The following MYRIP variants were observed in gnomAD, a reference collection of about 807,000 sequenced individuals.
MYRIP encodes the protein rab effector MyRIP.
A neutral mutation model predicts 98.0 loss-of-function variants in MYRIP; 49 were observed. The observed-to-expected ratio is 0.50, with a 90% confidence interval of 0.40 to 0.63. MYRIP has a LOEUF of 0.63. MYRIP is among the 30% of genes least tolerant of loss of function. The pLI is 0.00. For synonymous variants in MYRIP, 404 were observed against 409.5 expected, an observed-to-expected ratio of 0.99 and a Z score of 0.16; for missense variants, 1,004 against 1,058.2, an observed-to-expected ratio of 0.95 and a Z score of 0.71.
intron 3 of MYRIP, among the ~76,000 whole-genome samples, chr3:40,149,754 A>G (rs551898603): frequency 1.3e-5 from 2 of 152,202 alleles, no homozygotes; most frequent in Non-Finnish European, 2.9e-5. Flanking sequence ...GTTCTGAAGT[A>G]CATGGTTCTT....
Position 40,259,436 on chromosome 3 carries a change from G to A in MYRIP, c.*1270G>A, listed in dbSNP as rs1308495506. 6.6e-6 allele frequency: 1 copy of A among 152,188 alleles called. No individual in the cohort carries two copies. The highest frequency in any genetic ancestry group is 1.9e-4 in the East Asian group (1 of 5,198). 9.4% of individuals were successfully genotyped at this position (152,188 alleles called of 1,614,324 possible). ...TGTGTTAAGTGCCTGCTCTGAAGGA[G>A]GCAATGTTCTTCTCATTTGAATCCT... On this transcript the variant is annotated 3_prime_UTR_variant, in exon 17 of 17. Transcript: ENST00000302541.
At chr3:40,139,511 T>C (rs928359723) in intron 3 of MYRIP, among the ~76,000 whole-genome samples, 9 of 152,348 alleles carry the variant, frequency 5.9e-5, no homozygotes, top group African/African-American at 1.4e-4. Context: ...AAAATTGCAA[T>C]TTTTATTTAA....
At chr3:39,893,534 T>C (rs1005294430) in intron 1 of MYRIP, among the ~76,000 whole-genome samples, 9 of 152,242 alleles carry the variant, frequency 5.9e-5, no homozygotes, top group African/African-American at 1.7e-4. Flanking sequence ...ATAATAACAT[T>C]TATTTTCATT....
intron 3 of MYRIP, among the ~76,000 whole-genome samples, chr3:40,079,127 A>T (rs1948419114): frequency 6.6e-6 from 1 of 152,198 alleles, no homozygotes; most frequent in Admixed American, 6.5e-5. Flanking sequence ...CCTTGTTGTC[A>T]GTAGAGATGA....
At chr3:39,949,229 A>G (rs571345372) in intron 2 of MYRIP, among the ~76,000 whole-genome samples, 19 of 152,234 alleles carry the variant, frequency 1.2e-4, no homozygotes, top group African/African-American at 4.6e-4. Context: ...TTTCCATGCC[A>G]TCATCTATCT....
intron 2 of MYRIP, among the ~76,000 whole-genome samples, chr3:39,920,723 G>C (rs951828010): frequency 1.3e-5 from 2 of 152,198 alleles, no homozygotes; most frequent in African/African-American, 4.8e-5. Flanking sequence ...AGCTTTTTCA[G>C]TATGAAGTGG....
intron 2 of MYRIP, among the ~76,000 whole-genome samples, chr3:39,927,706 C>G (rs1944447572): frequency 6.6e-6 from 1 of 151,980 alleles, no homozygotes; most frequent in Non-Finnish European, 1.5e-5. Flanking sequence ...TCAGCATCAC[C>G]CTGATACCAA....
intron 7 of MYRIP, among the ~76,000 whole-genome samples, chr3:40,167,815 C>T (rs1251977469): frequency 5.3e-5 from 8 of 152,182 alleles, no homozygotes; most frequent in African/African-American, 9.6e-5. Context: ...TTACCATTAC[C>T]GGTTTAATAT....
intron 3 of MYRIP, among the ~76,000 whole-genome samples, chr3:40,064,621 G>C (rs1948089775): frequency 6.6e-6 from 1 of 152,184 alleles, no homozygotes; most frequent in African/African-American, 2.4e-5. Context: ...GACAGGCAAG[G>C]ACAGTGTCCT....
At chr3:40,005,186 T>C (rs542931142) in intron 2 of MYRIP, among the ~76,000 whole-genome samples, 59 of 152,350 alleles carry the variant, frequency 3.9e-4, no homozygotes, top group Admixed American at 6.5e-4. Context: ...CCACCACTGA[T>C]GGGCACCTAG....
At chr3:39,932,887 T>G (rs1450504390) in intron 2 of MYRIP, among the ~76,000 whole-genome samples, 1 of 152,220 alleles carries the variant, frequency 6.6e-6, no homozygotes, top group Non-Finnish European at 1.5e-5. Flanking sequence ...AAACTTTCCT[T>G]GGAGCATTGG....
intron 2 of MYRIP, among the ~76,000 whole-genome samples, chr3:39,996,099 C>T (rs1309834987): frequency 6.6e-6 from 1 of 152,144 alleles, no homozygotes; most frequent in Non-Finnish European, 1.5e-5. Flanking sequence ...TAAAGACCAT[C>T]GAGGCTAGGA....
At chr3:39,981,160 C>G (rs752737535) in intron 2 of MYRIP, among the ~76,000 whole-genome samples, 2 of 152,172 alleles carry the variant, frequency 1.3e-5, no homozygotes, top group South Asian at 4.1e-4. Flanking sequence ...AACCTCTTGC[C>G]TTTACCAAAC....
intron 1 of MYRIP, among the ~76,000 whole-genome samples, chr3:39,860,832 A>G (rs1043945401): frequency 6.6e-6 from 1 of 152,174 alleles, no homozygotes; most frequent in African/African-American, 2.4e-5. Context: ...TCCCATTGGC[A>G]TGTGTAGGCA....
chr3:40,225,785 G>C (rs1952469209), intron 11 of MYRIP, among the ~76,000 whole-genome samples: 1 of 152,132 alleles, frequency 6.6e-6, no homozygotes, highest in South Asian at 2.1e-4. Context: ...TCCCCAAAGA[G>C]TCTCTCGCGA....
chr3:40,027,235 G>A (rs1470336129), intron 2 of MYRIP, among the ~76,000 whole-genome samples: 1 of 152,044 alleles, frequency 6.6e-6, no homozygotes, highest in East Asian at 1.9e-4. Context: ...GTGCAACAGA[G>A]ATCAGCCCAC....
At chr3:39,967,051 C>T (rs1287097889) in intron 2 of MYRIP, among the ~76,000 whole-genome samples, 1 of 152,182 alleles carries the variant, frequency 6.6e-6, no homozygotes, top group Non-Finnish European at 1.5e-5. Flanking sequence ...ATAATGTAAC[C>T]ATAGTTATCT....
chr3:40,131,062 T>G (rs1438687760), intron 3 of MYRIP, among the ~76,000 whole-genome samples: 1 of 152,180 alleles, frequency 6.6e-6, no homozygotes, highest in Non-Finnish European at 1.5e-5. Context: ...AGATGGATGG[T>G]CCATACAAAC....
intron 2 of MYRIP, among the ~76,000 whole-genome samples, chr3:40,014,225 T>C (rs2125799089): frequency 6.6e-6 from 1 of 152,348 alleles, no homozygotes; most frequent in African/African-American, 2.4e-5. Context: ...ATTTCCAGAA[T>C]TCCCAAGATC....
Sources: gnomAD v4.1 joint callset for allele counts (sites outside exome capture counted in the v4.1 genomes callset) on GRCh38, gnomAD v4.1.1 for gene constraint, MANE v1.5 for transcripts, NCBI Gene and HGNC (gene_info 2026-07-23, HGNC 2026-07-21) for gene names.